Variants in RANBP2 observed in about 807,000 individuals in gnomAD.
The protein encoded by RANBP2 is E3 SUMO-protein ligase RanBP2.
Under a neutral mutation model 303.6 loss-of-function variants are expected in RANBP2, and 57 were observed. The ratio of observed to expected loss-of-function variants is 0.19; its 90% CI spans 0.15 to 0.23. The LOEUF (loss-of-function observed/expected upper bound fraction) is 0.23, where lower values mean the gene tolerates loss of function less well. RANBP2 is among the 10% of genes least tolerant of loss of function. The pLI, the probability that RANBP2 is intolerant of heterozygous loss-of-function variation, is 1.00. For missense variants in RANBP2, 3,138 were observed against 3,780.8 expected (o/e 0.83, Z 4.46); for synonymous variants, 1,167 against 1,301.5 (o/e 0.90, Z 2.23).
chr2:109,160,717 C>A, the RANBP2 span, among the ~76,000 whole-genome samples: 7 of 152,172 alleles, frequency 4.6e-5, no homozygotes. Flanking sequence ...CTCAGCCTGT[C>A]CCTGCTCCTA....
At chr2:108,819,657 C>T in the RANBP2 span, among the ~76,000 whole-genome samples, 1 of 152,132 alleles carries the variant, frequency 6.6e-6, no homozygotes, top group Non-Finnish European at 1.5e-5. Flanking sequence ...TTTGGATGGT[C>T]CCAAAACCTC....
At chr2:109,717,218 T>C in the RANBP2 span, among the ~76,000 whole-genome samples, 1 of 148,360 alleles carries the variant, frequency 6.7e-6, no homozygotes, top group Non-Finnish European at 1.5e-5. Context: ...AAAAATCAAA[T>C]GTATTTCAAT....
chr2:109,084,552 G>A, the RANBP2 span, among the ~76,000 whole-genome samples: 1 of 152,166 alleles, frequency 6.6e-6, no homozygotes, highest in Non-Finnish European at 1.5e-5. Flanking sequence ...TGTTGGCAGT[G>A]ACATTGCCAT....
chr2:109,333,757 C>A, the RANBP2 span, among the ~76,000 whole-genome samples: 1 of 152,160 alleles, frequency 6.6e-6, no homozygotes, highest in African/African-American at 2.4e-5. Context: ...GGCAGCATGA[C>A]CTTGAACATG....
chr2:109,774,683 CT>C, the RANBP2 span, among the ~76,000 whole-genome samples: 3 of 50,550 alleles, frequency 5.9e-5, no homozygotes, highest in Admixed American at 3.7e-4. Context: ...AGGTTTTAGA[CT>C]AGTGGAATTC....
the RANBP2 span, among the ~76,000 whole-genome samples, chr2:109,697,755 C>T: frequency 6.6e-6 from 1 of 151,890 alleles, no homozygotes; most frequent in Non-Finnish European, 1.5e-5. Flanking sequence ...GTAGGACCTC[C>T]AGTAAAATGT....
At chr2:109,004,467 GT>G in the RANBP2 span, among the ~76,000 whole-genome samples, 1 of 152,234 alleles carries the variant, frequency 6.6e-6, no homozygotes, top group Non-Finnish European at 1.5e-5. Flanking sequence ...AGCAAGTTGT[GT>G]TTTAAAGCAT....
the RANBP2 span, among the ~76,000 whole-genome samples, chr2:109,633,549 A>C: frequency 6.6e-6 from 1 of 152,170 alleles, no homozygotes; most frequent in Non-Finnish European, 1.5e-5. Context: ...AGGTATCATC[A>C]GTGCTTGGGT....
chr2:109,615,051 A>G, the RANBP2 span: 22 of 1,548,794 alleles, frequency 1.4e-5, no homozygotes, highest in African/African-American at 1.5e-4. Context: ...GGAGGCGGAC[A>G]GGGGCAGCTC....
At chr2:109,224,358 G>C in the RANBP2 span, among the ~76,000 whole-genome samples, 1 of 152,204 alleles carries the variant, frequency 6.6e-6, no homozygotes, top group Admixed American at 6.5e-5. Context: ...ACGCATGTGG[G>C]ATTTTGATTG....
At chr2:109,245,732 A>G in the RANBP2 span, among the ~76,000 whole-genome samples, 2 of 152,228 alleles carry the variant, frequency 1.3e-5, no homozygotes, top group South Asian at 4.1e-4. Flanking sequence ...AATTCAGGAA[A>G]TTCATTCTAA....
At chr2:109,468,723 G>A in the RANBP2 span, among the ~76,000 whole-genome samples, 5 of 151,498 alleles carry the variant, frequency 3.3e-5, no homozygotes, top group Non-Finnish European at 5.9e-5. Flanking sequence ...GCATGGTGGC[G>A]GGCACCTGTA....
the RANBP2 span, among the ~76,000 whole-genome samples, chr2:109,303,035 C>T: frequency 6.6e-6 from 1 of 152,162 alleles, no homozygotes; most frequent in Non-Finnish European, 1.5e-5. Flanking sequence ...CACCACCATG[C>T]CCTACTAATT....
chr2:109,492,095 T>G, the RANBP2 span, among the ~76,000 whole-genome samples: 1 of 152,214 alleles, frequency 6.6e-6, no homozygotes, highest in East Asian at 1.9e-4. Context: ...TCCTCTGCCT[T>G]CACGGTGGAA....
At chr2:109,429,667 G>A in the RANBP2 span, among the ~76,000 whole-genome samples, 1 of 152,142 alleles carries the variant, frequency 6.6e-6, no homozygotes, top group African/African-American at 2.4e-5. Flanking sequence ...CGCGCTGACA[G>A]CTCCAGCAGC....
the RANBP2 span, among the ~76,000 whole-genome samples, chr2:109,584,403 A>G: frequency 1.5e-5 from 2 of 129,750 alleles, no homozygotes; most frequent in African/African-American, 5.9e-5. Context: ...TGAACTGGGG[A>G]GGTGGAGGTT....
Position 108,763,335 on chromosome 2 carries a change from T to G in RANBP2, c.2796T>G (p.Cys932Trp), listed in dbSNP as rs768157871. 6.2e-7 allele frequency: 1 copy of G among 1,613,876 alleles called. No individual in the cohort carries two copies. Among genetic ancestry groups the G allele is most frequent in the African/African-American group, 1.3e-5 (1 of 74,870 alleles). The change falls in exon 20 of 29, where the codon TGT becomes TGG. Residue 932 changes from cysteine to tryptophan, a missense_variant. By Grantham distance (215) the Cys-to-Trp change is radical (BLOSUM62 -2). Coordinates refer to ENST00000283195, the MANE Select transcript of RANBP2 (RefSeq NM_006267.5). ...HTPPVQSSSACMFSQEMYGPP... is the reference protein window; with the variant it reads ...HTPPVQSSSAWMFSQEMYGPP... ...CGCCAGTGCAAAGCTCATCTGCTTG[T>G]ATGTTCTCTCAGGAGATGTATGGTC...
chr2:108,880,829 A>G, the RANBP2 span, among the ~76,000 whole-genome samples: 12 of 152,344 alleles, frequency 7.9e-5, no homozygotes, highest in African/African-American at 2.9e-4. Flanking sequence ...ATGGACATGT[A>G]CAAGATTAAT....
the RANBP2 span, among the ~76,000 whole-genome samples, chr2:109,439,978 G>A: frequency 6.6e-6 from 1 of 152,182 alleles, no homozygotes; most frequent in South Asian, 2.1e-4. Context: ...CATATGGAAA[G>A]TTTTCAAGAG....
Sources: gnomAD v4.1 joint callset for allele counts (sites outside exome capture counted in the v4.1 genomes callset) on GRCh38, gnomAD v4.1.1 for gene constraint, MANE v1.5 for transcripts, NCBI Gene and HGNC (gene_info 2026-07-23, HGNC 2026-07-21) for gene names.